Variants in DNAAF8 observed in about 807,000 individuals in gnomAD.
DNAAF8 encodes dynein axonemal assembly factor 8.
DNAAF8 carries 61 observed loss-of-function variants against 54.6 expected under a neutral mutation model. The observed-to-expected ratio is 1.12, with a 90% CI of 0.91 to 1.38. The LOEUF (loss-of-function observed/expected upper bound fraction) is 1.38, where lower values mean the gene tolerates loss of function less well. DNAAF8 is among the 40% of genes most tolerant of loss of function. The pLI, the probability that DNAAF8 is intolerant of heterozygous loss-of-function variation, is 0.00. For synonymous variants in DNAAF8, 320 were observed against 270.1 expected, an observed-to-expected ratio of 1.18 and a Z score of -1.81; for missense variants, 837 against 665.0, an observed-to-expected ratio of 1.26 and a Z score of -2.85.
Position 4,744,853 on chromosome 16 carries a change from C to A in DNAAF8, c.902-17C>A. ...GCCAAGTCCCCACTAATCAGCCTCT[C>A]CTTTGGCCATCCTCAGACCGCATGG... On this transcript the variant is annotated splice_polypyrimidine_tract_variant and intron_variant, in intron 5 of 9. Coordinates refer to ENST00000299320, the MANE Select transcript of DNAAF8 (RefSeq NM_139170.3). 6.2e-7 allele frequency: 1 copy of A among 1,608,380 alleles called. No individual in the cohort carries two copies. Among genetic ancestry groups the A allele is most frequent in the Non-Finnish European group, 8.5e-7 (1 of 1,176,640 alleles).
intron 9 of DNAAF8, 108 bp downstream of exon 9, chr16:4,747,742 G>A: frequency 7.5e-7 from 1 of 1,331,746 alleles, no homozygotes; most frequent in Non-Finnish European, 1.0e-6. Context: ...CATTCCAGAG[G>A]CAGGGACCCT....
intron 7 of DNAAF8, 51 bp from the exon 8 acceptor site, chr16:4,746,876 G>C: frequency 6.8e-7 from 1 of 1,464,718 alleles, no homozygotes; most frequent in Non-Finnish European, 9.1e-7. Context: ...AACAAGAGTT[G>C]GAACACCAGG....
intron 3 of DNAAF8, among the ~76,000 whole-genome samples, 164 bp from the exon 4 acceptor site, chr16:4,739,989 G>C (rs1037508538): frequency 6.6e-6 from 1 of 151,208 alleles, no homozygotes; most frequent in Non-Finnish European, 1.5e-5. Context: ...GGCCAGGGAA[G>C]TCGAGGCTGC....
At chr16:4,745,123 C>G in intron 6 of DNAAF8, 112 bp downstream of exon 6, 1 of 1,346,898 alleles carries the variant, frequency 7.4e-7, no homozygotes, top group South Asian at 1.3e-5. Flanking sequence ...TTTTCTCAGT[C>G]ACTCTCAAGC....
rs1300788276 is a variant in DNAAF8, at chr16:4,746,960, G to A, written c.1215G>A (p.Glu405=). The change falls in exon 8 of 10, where the codon GAG becomes GAA. Residue 405 remains glutamate (E), a synonymous_variant. Coordinates refer to ENST00000299320, the MANE Select transcript of DNAAF8 (RefSeq NM_139170.3). ...ACAGCTCCTCTGACAGTGAGGAGGA[G>A]GAGGAGGAAGAGATGGCAGCTCTGG... is the stretch of plus-strand genomic sequence containing the variant. ...SSHSSSDSEE[E]EEEEMAALGD... The A allele has an allele frequency of 1.3e-6, 2 of 1,555,108 alleles. No homozygotes were observed. The highest frequency in any genetic ancestry group is 1.2e-5 in the South Asian group (1 of 83,292).
rs763626655 is a variant in DNAAF8 at position 4,743,150 on chromosome 16, C to G, written c.891C>G (p.Arg297=). Reference sequence around the variant, plus strand: ...CTGTGTGGTGGGCAGCTGACCACCGCCAAGTTCAAGGTCTGACCTTGAACA... The same window carrying G: ...CTGTGTGGTGGGCAGCTGACCACCGGCAAGTTCAAGGTCTGACCTTGAACA... ...PGTVWWAADH[R]QVQDRMVPSA... Residue 297 remains arginine, a synonymous_variant, in exon 5 of 10, where the codon CGC becomes CGG. Coordinates refer to ENST00000299320, the MANE Select transcript of DNAAF8 (RefSeq NM_139170.3). The G allele has an allele frequency of 1.2e-6, 2 of 1,602,048 alleles. No homozygotes were observed. Among genetic ancestry groups the G allele is most frequent in the South Asian group, 2.2e-5 (2 of 90,164 alleles).
At chr16:4,737,409 C>T (rs2081911465) in intron 2 of DNAAF8, among the ~76,000 whole-genome samples, 1 of 152,208 alleles carries the variant, frequency 6.6e-6, no homozygotes, top group African/African-American at 2.4e-5. Flanking sequence ...ACAAACTAAG[C>T]TGTGTAAGTG....
intron 3 of DNAAF8, among the ~76,000 whole-genome samples, chr16:4,739,262 C>CTTTTTTTTTT (rs1596482355): frequency 2.1e-3 from 77 of 36,222 alleles, no homozygotes; most frequent in African/African-American, 2.9e-3. Context: ...ATGATTTTTT[C>CTTTTTTTTTT]TTGTTTTTTT....
At position 4,740,377 on chromosome 16, in the gene DNAAF8, C is replaced by G. The variant is rs777570015; in HGVS notation, c.501C>G (p.Asp167Glu). The G allele has an allele frequency of 1.2e-6, 2 of 1,613,760 alleles. No homozygotes were observed. Among genetic ancestry groups the G allele is most frequent in the Non-Finnish European group, 8.5e-7 (1 of 1,179,940 alleles). ...NTKGSQGPPW[D>E]PQAEATLSCH... ...AAGGATCCCAGGGTCCTCCCTGGGA[C>G]CCACAGGCCGAAGCCACTCTCTCCT... is the stretch of plus-strand genomic sequence containing the variant. The change falls in exon 4 of 10, where the codon GAC (aspartate) becomes GAG (glutamate). Residue 167 changes from aspartate (D) to glutamate (E), a missense_variant. Transcript: ENST00000299320.
Position 4,740,215 on chromosome 16 carries a change from G to A in DNAAF8, c.339G>A (p.Lys113=), listed in dbSNP as rs2081943982. The change falls in exon 4 of 10, where the codon AAG becomes AAA. Residue 113 remains lysine, a synonymous_variant. Coordinates refer to ENST00000299320, the MANE Select transcript of DNAAF8 (RefSeq NM_139170.3). ...GGTGCAGACAGAACACAAGGACAAA[G>A]GATGCATCCTCTCAGGAAGGAAGAG... The part of the protein sequence containing the change: ...EPGCRQNTRT[K]DASSQEGRDP... The A allele has an allele frequency of 6.2e-7, 1 of 1,614,092 alleles. No homozygotes were observed. Among genetic ancestry groups the A allele is most frequent in the East Asian group, 2.2e-5 (1 of 44,878 alleles).
chr16:4,739,642 G>A (rs1204333814), intron 3 of DNAAF8, among the ~76,000 whole-genome samples: 6 of 149,376 alleles, frequency 4.0e-5, no homozygotes, highest in East Asian at 3.9e-4. Context: ...TCCACCTCCC[G>A]GGCTGAAGCG....
intron 3 of DNAAF8, 105 bp downstream of exon 3, chr16:4,738,051 G>T: frequency 7.3e-7 from 1 of 1,360,924 alleles, no homozygotes; most frequent in Non-Finnish European, 9.9e-7. Flanking sequence ...CTAGAACATG[G>T]TCCTTTTTTT....
intron 2 of DNAAF8, among the ~76,000 whole-genome samples, chr16:4,736,937 A>C (rs2081907400): frequency 6.6e-6 from 1 of 152,106 alleles, no homozygotes; most frequent in Admixed American, 6.5e-5. Context: ...AACCCAGGTC[A>C]ATTTGATGCA....
intron 2 of DNAAF8, among the ~76,000 whole-genome samples, 191 bp from the exon 3 acceptor site, chr16:4,737,609 C>T (rs933481657): frequency 3.3e-5 from 5 of 152,216 alleles, no homozygotes; most frequent in African/African-American, 1.2e-4. Flanking sequence ...TGGCAAGAAG[C>T]CGCGCACAGC....
intron 3 of DNAAF8, among the ~76,000 whole-genome samples, chr16:4,739,040 C>A (rs2081927686): frequency 6.6e-6 from 1 of 152,058 alleles, no homozygotes; most frequent in Non-Finnish European, 1.5e-5. Flanking sequence ...CGAACCAGAT[C>A]ATCTCCCAGA....
At chr16:4,734,825 G>A (rs951068250) in intron 1 of DNAAF8, 127 bp downstream of exon 1, 4 of 152,144 alleles carry the variant, frequency 2.6e-5, no homozygotes, top group Non-Finnish European at 5.9e-5. Flanking sequence ...TTAAAAGCTC[G>A]ACCCGGGAGG....
At chr16:4,741,265 C>G (rs72770382) in intron 4 of DNAAF8, among the ~76,000 whole-genome samples, 988 of 32,916 alleles carry the variant, frequency 0.03, 1 homozygote, top group Non-Finnish European at 0.046. Context: ...AAGAAAGAAA[C>G]AAAGAAAGAA....
At chr16:4,738,014 C>T in intron 3 of DNAAF8, 68 bp downstream of exon 3, 1 of 1,532,620 alleles carries the variant, frequency 6.5e-7, no homozygotes, top group Non-Finnish European at 8.9e-7. Context: ...CTGGTCTAAA[C>T]CACTGTTCTA....
rs2081949386 is a variant in DNAAF8, at chr16:4,740,519, G to C, written c.643G>C (p.Val215Leu). ...KMIETDILQK[V>L]TRDACGPTSS... is the part of the protein sequence containing the mutation. ...GATAGAGACGGACATCCTCCAGAAA[G>C]TCACCCGGGATGCCTGCGGCCCGAC... Residue 215 changes from valine (V) to leucine (L), a missense_variant, in exon 4 of 10, where the codon GTC (valine) becomes CTC (leucine). Physicochemically the swap from Val to Leu is conservative, Grantham distance 32. Transcript: ENST00000299320. 5 of 1,613,988 alleles carry C rather than the reference G, an allele frequency of 3.1e-6. No individual in the cohort carries two copies. The highest frequency in any genetic ancestry group is 4.2e-6 in the Non-Finnish European group (5 of 1,180,026).
Sources: gnomAD v4.1 joint callset for allele counts (sites outside exome capture counted in the v4.1 genomes callset) on GRCh38, gnomAD v4.1.1 for gene constraint, MANE v1.5 for transcripts, NCBI Gene and HGNC (gene_info 2026-07-23, HGNC 2026-07-21) for gene names.